The following KCP variants were observed in gnomAD, a reference collection of about 807,000 sequenced individuals.
The protein encoded by KCP is kielin/chordin-like protein.
Under a neutral mutation model 212.7 loss-of-function variants are expected in KCP, and 194 were observed. That is an observed-to-expected ratio of 0.91 (90% CI 0.81 to 1.03). The LOEUF (loss-of-function observed/expected upper bound fraction) is 1.03. Among genes scored for constraint, KCP ranks in the 50% least tolerant of loss-of-function variants. The pLI is 0.00. For missense variants in KCP, 2,080 were observed against 2,162.5 expected (o/e 0.96, Z 0.76); for synonymous variants, 833 against 865.3 (o/e 0.96, Z 0.65).
At chr7:128,881,582 C>T in intron 31 of KCP, 44 bp downstream of exon 31, 1 of 1,379,302 alleles carries the variant, frequency 7.3e-7, no homozygotes, top group Non-Finnish European at 9.6e-7. Context: ...CTGTGTTCCC[C>T]CTGGGCTCCT....
chr7:128,905,019 G>C (rs1351340583), intron 5 of KCP, among the ~76,000 whole-genome samples: 1 of 152,048 alleles, frequency 6.6e-6, no homozygotes, highest in Non-Finnish European at 1.5e-5. Flanking sequence ...CGGGGGTCAG[G>C]GGTCTTTTCT....
At position 128,879,613 on chromosome 7, in the gene KCP, T is replaced by TGC; in HGVS notation, c.4053_4054dup (p.His1352ArgfsTer23). ...CTGCAGGAAGGGCAAGGCCACCGGGTGCCCATCCACCTGGAGGATAAAGGA... is the reference window on the plus strand; with the variant it reads ...CTGCAGGAAGGGCAAGGCCACCGGGTGCGCCCATCCACCTGGAGGATAAAGGA... On this transcript the variant is annotated frameshift_variant, in exon 37 of 40. Coordinates refer to ENST00000610776, the MANE Select transcript of KCP (RefSeq NM_001366122.1). LOFTEE classifies it high-confidence loss of function. 6.4e-7 allele frequency: 1 copy of TGC among 1,550,398 alleles called. No homozygotes were observed. Among genetic ancestry groups the TGC allele is most frequent in the Non-Finnish European group, 8.7e-7 (1 of 1,146,936 alleles).
chr7:128,899,962 G>A (rs113830995), intron 8 of KCP, among the ~76,000 whole-genome samples: 14,031 of 151,724 alleles, frequency 0.092, 2,024 homozygotes, highest in African/African-American at 0.31. Flanking sequence ...TCTGACCTGT[G>A]GTAAGTAAAG....
At chr7:128,898,077 G>A (rs1794634202) in intron 8 of KCP, among the ~76,000 whole-genome samples, 1 of 150,720 alleles carries the variant, frequency 6.6e-6, no homozygotes, top group South Asian at 2.1e-4. Flanking sequence ...TTTTTTTTGA[G>A]ACAGTCTCAC....
Position 128,891,028 on chromosome 7 carries a change from G to A in KCP, c.2041C>T (p.Pro681Ser). Reference protein sequence around the residue: ...AHARHQEYFSPPGDPCRRCLC... With the variant: ...AHARHQEYFSSPGDPCRRCLC... ...CAGCGGCGGCAGGGATCGCCGGGCG[G>A]GGAGAAGTACTCCTGGTGGCGGGCG... The change falls in exon 20 of 40, where the codon CCG (proline) becomes TCG (serine). Residue 681 changes from proline to serine, a missense_variant. By Grantham distance (74) the Pro-to-Ser change is moderately conservative. Coordinates refer to ENST00000610776, the MANE Select transcript of KCP (RefSeq NM_001366122.1). 7.4e-7 allele frequency: 1 copy of A among 1,351,950 alleles called. No homozygotes were observed. Among genetic ancestry groups the A allele is most frequent in the South Asian group, 1.9e-5 (1 of 53,932 alleles). 83.7% of individuals were successfully genotyped at this position (1,351,950 alleles called of 1,614,324 possible).
intron 8 of KCP, among the ~76,000 whole-genome samples, chr7:128,896,511 G>C (rs1394192045): frequency 6.6e-6 from 1 of 152,146 alleles, no homozygotes; most frequent in Admixed American, 6.5e-5. Context: ...TGGGTGACAG[G>C]ATTAGGCAAG....
chr7:128,880,168 C>T, intron 34 of KCP, 83 bp from the exon 35 acceptor site: 1 of 1,412,120 alleles, frequency 7.1e-7, no homozygotes, highest in South Asian at 1.4e-5. Context: ...CCAAGCATCT[C>T]CCAGGAGTCT....
chr7:128,882,143 C>G (rs1465832028), intron 29 of KCP, 127 bp from the exon 30 acceptor site: 1 of 645,380 alleles, frequency 1.5e-6, no homozygotes, highest in Non-Finnish European at 2.8e-6. Context: ...TATCCCAGCA[C>G]CTTGACTCCA....
chr7:128,892,800 T>G lies in KCP; in HGVS notation c.1421-6A>C. The G allele has an allele frequency of 6.4e-7, 1 of 1,551,044 alleles. No homozygotes were observed. The highest frequency in any genetic ancestry group is 8.7e-7 in the Non-Finnish European group (1 of 1,146,772). ...ACAGCTGGGGCAGCAGGCACCTGGG[T>G]GGGGCAGGCTGGTCAGGGTGAGCTG... On this transcript the variant is annotated splice_polypyrimidine_tract_variant and splice_region_variant and intron_variant, in intron 14 of 39. Coordinates refer to ENST00000610776, the MANE Select transcript of KCP (RefSeq NM_001366122.1).
intron 26 of KCP, 145 bp from the exon 27 acceptor site, chr7:128,885,415 T>G (rs988675645): frequency 1.4e-5 from 11 of 796,942 alleles, no homozygotes; most frequent in Non-Finnish European, 2.2e-5. Context: ...GGGGCAGAAC[T>G]CCTGTCTGTT....
Position 128,888,978 on chromosome 7 carries a change from G to A in KCP, c.2397C>T (p.Pro799=), listed in dbSNP as rs373964316. Residue 799 remains proline, a synonymous_variant, in exon 22 of 40, where the codon CCC becomes CCT. Transcript: ENST00000610776. ...SNQEFPDPRE[P]CNLCTCLGGF... is the part of the protein sequence containing the mutation. Reference sequence around the variant, plus strand: ...CTCCAAGACAGGTACACAGGTTGCAGGGTTCTCGGGGGTCTGGGAACTCCT... The same window carrying A: ...CTCCAAGACAGGTACACAGGTTGCAAGGTTCTCGGGGGTCTGGGAACTCCT... 7,334 of 1,544,096 alleles carry A rather than the reference G, an allele frequency of 4.7e-3. 23 individuals carry two copies. The highest frequency in any genetic ancestry group is 5.7e-3 in the Non-Finnish European group (6,489 of 1,142,650).
intron 4 of KCP, 92 bp downstream of exon 4, chr7:128,907,009 T>G: frequency 8.1e-7 from 1 of 1,231,890 alleles, no homozygotes; most frequent in East Asian, 2.6e-5. Flanking sequence ...GCAGAGCCCA[T>G]TATGCGACAT....
intron 8 of KCP, among the ~76,000 whole-genome samples, chr7:128,901,631 A>G (rs1370578891): frequency 6.6e-6 from 1 of 152,148 alleles, no homozygotes; most frequent in South Asian, 2.1e-4. Context: ...GCCTCAAAAA[A>G]AAAAAACACA....
At chr7:128,897,375 C>G (rs535033846) in intron 8 of KCP, among the ~76,000 whole-genome samples, 1 of 152,208 alleles carries the variant, frequency 6.6e-6, no homozygotes, top group Non-Finnish European at 1.5e-5. Flanking sequence ...TTCTCTTGGT[C>G]TCTGCCATCA....
rs1393302289 is a variant in KCP at position 128,902,778 on chromosome 7, A to C, written c.830T>G (p.Leu277Arg). The C allele has an allele frequency of 1.9e-6, 3 of 1,551,462 alleles. No homozygotes were observed. The Admixed American group carries it at 5.9e-5, about 30-fold the overall frequency. ...PGDPCRICRC[L>R]EGHIQCRQRE... ...ACCAGGAGCAGCCTCAGGACTCACC[A>C]GGCACCGGCAGATTCGGCAGGGGTC... Residue 277 changes from leucine to arginine, a missense_variant and splice_region_variant, in exon 8 of 40, where the codon CTG (leucine) becomes CGG (arginine). By Grantham distance (102) the Leu-to-Arg change is moderately radical. Transcript: ENST00000610776.
intron 1 of KCP, among the ~76,000 whole-genome samples, chr7:128,909,134 G>A (rs891962337): frequency 6.6e-6 from 1 of 152,184 alleles, no homozygotes; most frequent in Non-Finnish European, 1.5e-5. Flanking sequence ...GGGCACCTCT[G>A]AGCTCTGGCC....
At position 128,881,922 on chromosome 7, in the gene KCP, G is replaced by A; in HGVS notation, c.3324+15C>T. 6.4e-7 allele frequency: 1 copy of A among 1,550,674 alleles called. No individual in the cohort carries two copies. Among genetic ancestry groups the A allele is most frequent in the Non-Finnish European group, 8.7e-7 (1 of 1,146,504 alleles). On this transcript the variant is annotated intron_variant, in intron 30 of 39. Coordinates refer to ENST00000610776, the MANE Select transcript of KCP (RefSeq NM_001366122.1). ...GAAGAGGGGCTCTGTGAGTCCCCAA[G>A]GCAGGAGGGCTCACCTGGCACTGGC... is the stretch of plus-strand genomic sequence containing the variant.
At chr7:128,902,430 T>A (rs1794900618) in intron 8 of KCP, among the ~76,000 whole-genome samples, 1 of 152,226 alleles carries the variant, frequency 6.6e-6, no homozygotes, top group Non-Finnish European at 1.5e-5. Context: ...CAGGTAGTAG[T>A]GGCTGTGAAT....
chr7:128,879,977 G>C lies in KCP; in HGVS notation c.3868C>G (p.Leu1290Val), dbSNP rs2128944245. 6.4e-7 allele frequency: 1 copy of C among 1,550,730 alleles called. No homozygotes were observed. Among genetic ancestry groups the C allele is most frequent in the Non-Finnish European group, 8.7e-7 (1 of 1,146,952 alleles). ...DPHYRTFDGR[L>V]LHFQGSCSYV... ...CTGCAACTGCCCTGGAAGTGCAGCAGGCGGCCGTCGAAGGTGCGGTAATGG... is the reference window on the plus strand; with the variant it reads ...CTGCAACTGCCCTGGAAGTGCAGCACGCGGCCGTCGAAGGTGCGGTAATGG... The change falls in exon 35 of 40, where the codon CTG becomes GTG. Residue 1290 changes from leucine to valine, a missense_variant. Transcript: ENST00000610776.
Sources: allele counts gnomAD v4.1 joint callset (sites outside exome capture counted in the v4.1 genomes callset), GRCh38; gene constraint gnomAD v4.1.1; transcripts MANE v1.5; gene names NCBI Gene and HGNC (gene_info 2026-07-23, HGNC 2026-07-21).